The following TIPARP variants were observed in gnomAD, a reference collection of about 807,000 sequenced individuals.
The protein encoded by TIPARP is protein mono-ADP-ribosyltransferase TIPARP.
In TIPARP, 12 loss-of-function variants were observed where a neutral mutation model predicts 56.5. That is an observed-to-expected ratio of 0.21 (90% CI 0.14 to 0.34). TIPARP has a LOEUF of 0.34. Ranked by LOEUF, TIPARP falls within the 10% of genes least tolerant of loss-of-function variation. The pLI, the probability that TIPARP is intolerant of heterozygous loss-of-function variation, is 1.00. For missense variants in TIPARP, 604 were observed against 781.6 expected (o/e 0.77, Z 2.71); for synonymous variants, 296 against 265.7 (o/e 1.11, Z -1.11).
intron 1 of TIPARP, 89 bp downstream of exon 1, chr3:156,674,885 C>T (rs1722073677): frequency 6.5e-6 from 1 of 153,078 alleles, no homozygotes; most frequent in African/African-American, 2.4e-5. Flanking sequence ...CCGGCCCCGG[C>T]CCCGCGCCGG....
chr3:156,686,352 G>A (rs16826731), intron 2 of TIPARP, among the ~76,000 whole-genome samples: 5,836 of 152,234 alleles, frequency 0.038, 382 homozygotes, highest in African/African-American at 0.13. Context: ...TTAAGACGAT[G>A]TTTGAAAGGT....
At chr3:156,688,081 A>T (rs972686723) in intron 2 of TIPARP, among the ~76,000 whole-genome samples, 5 of 152,150 alleles carry the variant, frequency 3.3e-5, no homozygotes, top group African/African-American at 1.2e-4. Context: ...TAGTGTGGTA[A>T]TTAAGTGTAG....
chr3:156,692,150 A>G (rs1303202755), intron 2 of TIPARP, among the ~76,000 whole-genome samples: 2 of 152,182 alleles, frequency 1.3e-5, no homozygotes, highest in Non-Finnish European at 2.9e-5. Flanking sequence ...CATAATTGGG[A>G]ACAGTTGCTG....
At chr3:156,688,395 A>G (rs200340933) in intron 2 of TIPARP, among the ~76,000 whole-genome samples, 1,135 of 102,754 alleles carry the variant, frequency 0.011, 43 homozygotes, top group Admixed American at 0.087. Flanking sequence ...AAAAAAAAAA[A>G]AACTGAAAGA....
At chr3:156,702,576 T>C (rs917161365) in intron 4 of TIPARP, among the ~76,000 whole-genome samples, 2 of 152,192 alleles carry the variant, frequency 1.3e-5, no homozygotes, top group African/African-American at 2.4e-5. Flanking sequence ...ATGAGTGTTA[T>C]AGCACCTGGC....
At chr3:156,687,261 T>TA (rs1286054664) in intron 2 of TIPARP, among the ~76,000 whole-genome samples, 14 of 152,222 alleles carry the variant, frequency 9.2e-5, no homozygotes, top group African/African-American at 3.1e-4. Flanking sequence ...GTTAAGGCTG[T>TA]ATGACATTTC....
intron 1 of TIPARP, chr3:156,676,712 T>G (rs1472939796): frequency 6.6e-6 from 1 of 152,242 alleles, no homozygotes; most frequent in Non-Finnish European, 1.5e-5. Flanking sequence ...TTTTCAAATT[T>G]CAGTTTTTTT....
intron 1 of TIPARP, chr3:156,675,896 C>G (rs1722112396): frequency 6.6e-6 from 1 of 152,232 alleles, no homozygotes; most frequent in Admixed American, 6.5e-5. Flanking sequence ...CTTTCCCCCT[C>G]CAGCCACTTC....
rs10631452 is a variant in TIPARP, at chr3:156,695,826, C to CTTTTTTTTTTT, written c.1087-32_1087-22dup. On this transcript the variant is annotated intron_variant, in intron 3 of 5. Transcript: ENST00000295924. Reference sequence around the variant, plus strand: ...TTTTTAACCATGATTATTAACTTTCCTTTTTTTTTTTTTTTTTGTTCTGTT... The same window carrying CTTTTTTTTTTT: ...TTTTTAACCATGATTATTAACTTTCCTTTTTTTTTTTTTTTTTTTTTTTTTTTTGTTCTGTT... 1.4e-3 allele frequency: 1,434 copies of CTTTTTTTTTTT among 1,031,116 alleles called. 12 individuals are homozygous for CTTTTTTTTTTT. The highest frequency in any genetic ancestry group is 5.0e-3 in the African/African-American group (231 of 45,802). The allele number at this position is 1,031,116 out of a possible 1,614,324, so 63.9% of individuals were successfully genotyped here. A position where few individuals can be genotyped will look rare whatever the true frequency, so the allele number is the denominator to read the frequency against.
intron 2 of TIPARP, among the ~76,000 whole-genome samples, chr3:156,685,104 T>C (rs1722399750): frequency 6.6e-6 from 1 of 152,246 alleles, no homozygotes; most frequent in South Asian, 2.1e-4. Context: ...ATTCTGTGAT[T>C]AGGAACTCAA....
rs1286956976 is a variant in TIPARP, at chr3:156,705,763, AC to A, written c.*633del. The A allele has an allele frequency of 1.3e-5, 2 of 152,806 alleles. No individual in the cohort carries two copies. The highest frequency in any genetic ancestry group is 1.3e-4 in the Admixed American group (2 of 15,310). 9.5% of individuals were successfully genotyped at this position (152,806 alleles called of 1,614,324 possible). A position where few individuals can be genotyped will look rare whatever the true frequency, so the allele number is the denominator to read the frequency against. On this transcript the variant is annotated 3_prime_UTR_variant, in exon 6 of 6. Coordinates refer to ENST00000295924, the MANE Select transcript of TIPARP (RefSeq NM_015508.5). ...CTATTTAGAGGAAGTTAAAACAACAACAAAAAACAACCATTTGAAAAATTTT... is the reference window on the plus strand; with the variant it reads ...CTATTTAGAGGAAGTTAAAACAACAAAAAAAACAACCATTTGAAAAATTTT...
At chr3:156,685,610 C>T (rs1329176660) in intron 2 of TIPARP, among the ~76,000 whole-genome samples, 1 of 152,202 alleles carries the variant, frequency 6.6e-6, no homozygotes, top group Non-Finnish European at 1.5e-5. Context: ...TATGTTGAAA[C>T]ATAGTACTTC....
intron 1 of TIPARP, among the ~76,000 whole-genome samples, chr3:156,677,018 G>A (rs1399924293): frequency 1.3e-5 from 2 of 152,110 alleles, no homozygotes; most frequent in African/African-American, 4.8e-5. Flanking sequence ...TTTGGGGGTT[G>A]TAAAAGTAGA....
intron 1 of TIPARP, 75 bp downstream of exon 1, chr3:156,674,871 GGCCCCGGCCCCGGCCCC>G (rs1722073146): frequency 2.0e-5 from 3 of 153,072 alleles, no homozygotes; most frequent in African/African-American, 7.2e-5. Flanking sequence ...TCGCGGCTCC[GGCCCCGGCCCCGGCCCC>G]GCGCCGGCAG....
Position 156,703,450 on chromosome 3 carries a change from C to T in TIPARP, c.1274C>T (p.Ala425Val). ...LQTLGGVPTQ[A>V]PPPLEATSSS... ...ACACTTGGTGGGGTTCCCACACAAG[C>T]TCCTCCACCTCTTGAAGCAACTTCA... is the stretch of plus-strand genomic sequence containing the variant. Residue 425 changes from alanine to valine, a missense_variant, in exon 5 of 6, where the codon GCT becomes GTT. Around this residue, in one of 4 missense-constraint regions of TIPARP, gnomAD observed 252 missense variants for 303.9 expected, o/e 0.83. Transcript: ENST00000295924. 1 of 1,614,188 alleles carries T rather than the reference C, an allele frequency of 6.2e-7. No homozygotes were observed. The highest frequency in any genetic ancestry group is 2.2e-5 in the East Asian group (1 of 44,882).
At chr3:156,698,605 A>T (rs1283353500) in intron 4 of TIPARP, among the ~76,000 whole-genome samples, 1 of 152,218 alleles carries the variant, frequency 6.6e-6, no homozygotes, top group African/African-American at 2.4e-5. Context: ...TGCTCAAGAA[A>T]AAAAGACTTA....
chr3:156,690,986 A>G (rs1722559907), intron 2 of TIPARP, among the ~76,000 whole-genome samples: 1 of 152,038 alleles, frequency 6.6e-6, no homozygotes, highest in Non-Finnish European at 1.5e-5. Context: ...AGGCTCTGAC[A>G]CCCTGGACTT....
chr3:156,679,683 A>G lies in TIPARP; in HGVS notation c.917+1069A>G, dbSNP rs568865571. 7.2e-5 allele frequency among the ~76,000 whole-genome samples: 11 copies of G among 152,322 alleles called. 1 individual carries two copies. The highest frequency in any genetic ancestry group is 1.3e-4 in the Admixed American group (2 of 15,288). ...ATGAATGGCCTGGTATAGTACTGAG[A>G]TGACCCATATTGGAGGGGAAAATAC... On this transcript the variant is annotated intron_variant, in intron 2 of 5. Coordinates refer to ENST00000295924, the MANE Select transcript of TIPARP (RefSeq NM_015508.5).
chr3:156,674,937 G>T, intron 1 of TIPARP, 141 bp downstream of exon 1: 1 of 152,636 alleles, frequency 6.6e-6, no homozygotes, highest in Non-Finnish European at 1.5e-5. Context: ...TTGATTTTGA[G>T]ACTGCCCTTT....
Sources: gnomAD v4.1 joint callset for allele counts (sites outside exome capture counted in the v4.1 genomes callset) on GRCh38, gnomAD v4.1.1 for gene constraint, gnomAD v4.1.1 regional missense constraint, MANE v1.5 for transcripts, NCBI Gene and HGNC (gene_info 2026-07-23, HGNC 2026-07-21) for gene names.